Variants in SMG6 observed in about 807,000 individuals in gnomAD.
SMG6 encodes the protein SMG6 nonsense mediated mRNA decay factor, also known as telomerase-binding protein EST1A.
SMG6 carries 66 observed loss-of-function variants against 142.2 expected under a neutral mutation model. The ratio of observed to expected loss-of-function variants is 0.46; its 90% CI spans 0.38 to 0.57. The LOEUF (loss-of-function observed/expected upper bound fraction) is 0.57. Ranked by LOEUF, SMG6 falls within the 20% of genes least tolerant of loss-of-function variation. The probability of loss-of-function intolerance (pLI) is 0.00; values close to 1 mark genes in which losing one functional copy is unlikely to be tolerated. For synonymous variants in SMG6, 779 were observed against 702.4 expected, an observed-to-expected ratio of 1.11 and a Z score of -1.72; for missense variants, 1,793 against 1,832.0, an observed-to-expected ratio of 0.98 and a Z score of 0.39.
intron 13 of SMG6, among the ~76,000 whole-genome samples, chr17:2,134,168 T>A (rs2070213599): frequency 6.6e-6 from 1 of 151,950 alleles, no homozygotes; most frequent in Admixed American, 6.6e-5. Context: ...AATGTGATAA[T>A]GCCCACTTTG....
rs2075345304 is a variant in SMG6, at chr17:2,303,731, G to C, written c.-11C>G. 1 of 1,490,340 alleles carries C rather than the reference G, an allele frequency of 6.7e-7. No homozygotes were observed. Among genetic ancestry groups the C allele is most frequent in the East Asian group, 2.9e-5 (1 of 34,192 alleles). 92.3% of individuals were successfully genotyped at this position (1,490,340 alleles called of 1,614,324 possible). A position where few individuals can be genotyped will look rare whatever the true frequency, so the allele number is the denominator to read the frequency against. On this transcript the variant is annotated 5_prime_UTR_variant, in exon 1 of 19. Transcript: ENST00000263073. ...CAGCCCTTCCGCCATCTTCGCGGCT[G>C]CTGCTACAGCCGTAGCGGCTCCGCC...
At chr17:2,140,516 A>G (rs2070444090) in intron 13 of SMG6, among the ~76,000 whole-genome samples, 2 of 152,060 alleles carry the variant, frequency 1.3e-5, no homozygotes, top group Admixed American at 6.6e-5. Flanking sequence ...CTAAAAATGC[A>G]AAAAAATCAG....
At chr17:2,149,050 T>TA (rs968289432) in intron 13 of SMG6, among the ~76,000 whole-genome samples, 6 of 152,078 alleles carry the variant, frequency 3.9e-5, no homozygotes, top group African/African-American at 1.4e-4. Flanking sequence ...ACCGTACATT[T>TA]AAAAAACTGG....
At chr17:2,094,985 G>C (rs1017146111) in intron 13 of SMG6, 12 of 152,260 alleles carry the variant, frequency 7.9e-5, no homozygotes, top group African/African-American at 2.4e-4. Flanking sequence ...GGCAGCAGTA[G>C]CTCGGGCTTC....
At chr17:2,292,773 G>A in intron 5 of SMG6, 98 bp downstream of exon 5, 1 of 1,368,306 alleles carries the variant, frequency 7.3e-7, no homozygotes, top group African/African-American at 1.4e-5. Flanking sequence ...GGGACCAATA[G>A]GGACACCTGT....
At chr17:2,066,677 A>ACACACACACACACACACACT (rs1440885390) in intron 16 of SMG6, among the ~76,000 whole-genome samples, 3 of 151,682 alleles carry the variant, frequency 2.0e-5, no homozygotes, top group African/African-American at 7.3e-5. Context: ...ACACACACAC[A>ACACACACACACACACACACT]CACACACACA....
intron 13 of SMG6, chr17:2,089,605 AG>A (rs1380170906): frequency 1.3e-5 from 2 of 152,560 alleles, no homozygotes; most frequent in Non-Finnish European, 2.9e-5. Context: ...CCACTGCAGC[AG>A]GAACTGAAAC....
chr17:2,255,568 G>A (rs1332343578), intron 8 of SMG6, among the ~76,000 whole-genome samples: 4 of 151,956 alleles, frequency 2.6e-5, no homozygotes, highest in South Asian at 2.1e-4. Flanking sequence ...GGGAGGTGGC[G>A]GGCGCCTCCG....
chr17:2,291,907 T>A (rs1021828931), intron 6 of SMG6, among the ~76,000 whole-genome samples: 37 of 151,512 alleles, frequency 2.4e-4, no homozygotes, highest in Non-Finnish European at 7.4e-5. Context: ...ATGAGCATCT[T>A]ATTTGTTTCT....
At chr17:2,112,447 G>A (rs1597402370) in intron 13 of SMG6, among the ~76,000 whole-genome samples, 1 of 151,462 alleles carries the variant, frequency 6.6e-6, no homozygotes, top group Non-Finnish European at 1.5e-5. Flanking sequence ...GGCGGAGGTT[G>A]CAGTGAGCCG....
intron 10 of SMG6, among the ~76,000 whole-genome samples, chr17:2,193,906 G>C (rs1273090827): frequency 2.6e-5 from 4 of 152,178 alleles, no homozygotes. Context: ...CTGTGGCTCA[G>C]TGCAACCTCT....
Position 2,289,826 on chromosome 17 carries a change from T to C in SMG6, c.2337+2726A>G, listed in dbSNP as rs190765663. ...TACCCTGGAGGCTGAGGCAGGAGAATAGCTTGAACCCAGGAGGCGGAGGTT... is the reference window on the plus strand; with the variant it reads ...TACCCTGGAGGCTGAGGCAGGAGAACAGCTTGAACCCAGGAGGCGGAGGTT... On this transcript the variant is annotated intron_variant, in intron 6 of 18. Transcript: ENST00000263073. 5.2e-3 allele frequency among the ~76,000 whole-genome samples: 784 copies of C among 151,670 alleles called. 4 individuals are homozygous for C. Among genetic ancestry groups the C allele is most frequent in the African/African-American group, 0.018 (744 of 41,352 alleles).
intron 8 of SMG6, among the ~76,000 whole-genome samples, chr17:2,258,392 C>T (rs545281514): frequency 6.6e-6 from 1 of 151,902 alleles, no homozygotes; most frequent in African/African-American, 2.4e-5. Context: ...ACCATCTCTA[C>T]TAAAATCACA....
At chr17:2,277,164 TATTTTTTA>T (rs771513787) in intron 8 of SMG6, among the ~76,000 whole-genome samples, 16,002 of 84,708 alleles carry the variant, frequency 0.19, 1,566 homozygotes, top group Non-Finnish European at 0.25. Context: ...TTTATTTATT[TATTTTTTA>T]TTTTTTTTTT....
At chr17:2,286,923 A>ATTTTTTT (rs59503723) in intron 6 of SMG6, among the ~76,000 whole-genome samples, 1 of 111,440 alleles carries the variant, frequency 9.0e-6, no homozygotes, top group Non-Finnish European at 1.8e-5. Context: ...ACATAAAATA[A>ATTTTTTT]TTTTTTTTTT....
intron 1 of SMG6, among the ~76,000 whole-genome samples, chr17:2,301,113 T>C (rs138147057): frequency 8.1e-4 from 123 of 152,314 alleles, no homozygotes; most frequent in African/African-American, 2.9e-3. Context: ...GCTAAGTTCT[T>C]TTAACATAAC....
At chr17:2,221,393 C>T (rs896398203) in intron 10 of SMG6, among the ~76,000 whole-genome samples, 34 of 152,314 alleles carry the variant, frequency 2.2e-4, no homozygotes, top group African/African-American at 7.7e-4. Context: ...GTGCCTCCTT[C>T]CTCTTTGCCT....
At chr17:2,152,658 T>A (rs932379782) in intron 13 of SMG6, among the ~76,000 whole-genome samples, 7 of 152,184 alleles carry the variant, frequency 4.6e-5, no homozygotes, top group African/African-American at 1.7e-4. Context: ...CCTAGTATAA[T>A]TATTAAAAAA....
rs139385089 is a variant in SMG6 at position 2,068,853 on chromosome 17, C to T, written c.3760G>A (p.Gly1254Ser). ...RPLFLVPDTN[G>S]FIDHLASLAR... Reference sequence around the variant, plus strand: ...AGACTGGCCAGGTGGTCAATGAAGCCGTTGGTGTCTGGTACGAGGAACAAA... The same window carrying T: ...AGACTGGCCAGGTGGTCAATGAAGCTGTTGGTGTCTGGTACGAGGAACAAA... Residue 1254 changes from glycine (G) to serine (S), a missense_variant, in exon 16 of 19, where the codon GGC becomes AGC. Gly to Ser is a moderately conservative substitution (Grantham distance 56). Around this residue, in one of 3 missense-constraint regions of SMG6, gnomAD observed 17 missense variants for 34.7 expected, o/e 0.49. Coordinates refer to ENST00000263073, the MANE Select transcript of SMG6 (RefSeq NM_017575.5). This position sits in a 1 kb window ranked among gnomAD's most constrained non-coding sequence, Gnocchi z 6.7. 13 of 1,614,216 alleles carry T rather than the reference C, an allele frequency of 8.1e-6. No homozygotes were observed. Among genetic ancestry groups the T allele is most frequent in the East Asian group, 4.5e-5 (2 of 44,892 alleles).
Sources: gnomAD v4.1 joint callset for allele counts (sites outside exome capture counted in the v4.1 genomes callset) on GRCh38, gnomAD v4.1.1 for gene constraint, gnomAD v4.1.1 regional missense constraint, Gnocchi (gnomAD v3.1) non-coding constraint, MANE v1.5 for transcripts, NCBI Gene and HGNC (gene_info 2026-07-23, HGNC 2026-07-21) for gene names.